The following SLC4A10 variants were observed in gnomAD, a reference collection of about 807,000 sequenced individuals.
The protein encoded by SLC4A10 is sodium-driven chloride bicarbonate exchanger.
In SLC4A10, 42 loss-of-function variants were observed where a neutral mutation model predicts 137.7. The observed-to-expected ratio is 0.30, with a 90% confidence interval of 0.24 to 0.39. SLC4A10 has a LOEUF of 0.39. SLC4A10 is among the 10% of genes least tolerant of loss of function. SLC4A10 has a pLI of 1.00. For synonymous variants in SLC4A10, 474 were observed against 464.1 expected, an observed-to-expected ratio of 1.02 and a Z score of -0.27; for missense variants, 925 against 1,355.0, an observed-to-expected ratio of 0.68 and a Z score of 4.98.
chr2:161,961,082 T>C (rs1696625685), intron 21 of SLC4A10, among the ~76,000 whole-genome samples: 2 of 152,236 alleles, frequency 1.3e-5, no homozygotes, highest in Admixed American at 6.5e-5. Context: ...ATATAGTATT[T>C]TGTCAACTGA....
intron 1 of SLC4A10, among the ~76,000 whole-genome samples, chr2:161,765,514 G>A (rs1035647810): frequency 6.6e-6 from 1 of 151,606 alleles, no homozygotes; most frequent in African/African-American, 2.4e-5. Flanking sequence ...GGCTGAGGCA[G>A]GAGAATTGGT....
At chr2:161,685,362 TTGGGAGGCCGAGG>T (rs2041271851) in intron 1 of SLC4A10, among the ~76,000 whole-genome samples, 1 of 152,066 alleles carries the variant, frequency 6.6e-6, no homozygotes, top group Non-Finnish European at 1.5e-5. Flanking sequence ...TCCCAGCACT[TTGGGAGGCCGAGG>T]TGGGTGGATT....
At chr2:161,668,849 T>C (rs1310898149) in intron 1 of SLC4A10, among the ~76,000 whole-genome samples, 1 of 151,994 alleles carries the variant, frequency 6.6e-6, no homozygotes, top group East Asian at 1.9e-4. Context: ...TACATTTAGT[T>C]TGTGCAGAGA....
Position 161,895,402 on chromosome 2 carries a change from A to G in SLC4A10, c.1341+577A>G, listed in dbSNP as rs934851534. On this transcript the variant is annotated intron_variant, in intron 11 of 26. Transcript: ENST00000446997. ...GTGCATGTGTCTTTATGGCAGCATG[A>G]TTTATAGTCCTTTGGGTATATACCC... Among the ~76,000 whole-genome samples the G allele has an allele frequency of 3.3e-5, 5 of 152,224 alleles. No individual in the cohort carries two copies. The South Asian group carries it at 8.3e-4, about 25-fold the overall frequency.
At chr2:161,836,456 C>T (rs2058771059) in intron 3 of SLC4A10, among the ~76,000 whole-genome samples, 1 of 148,518 alleles carries the variant, frequency 6.7e-6, no homozygotes, top group African/African-American at 2.5e-5. Flanking sequence ...AGAGATCACA[C>T]CACTGCACTC....
chr2:161,862,829 C>G, intron 5 of SLC4A10, 45 bp from the exon 6 acceptor site: 1 of 1,453,664 alleles, frequency 6.9e-7, no homozygotes, highest in Non-Finnish European at 9.2e-7. Flanking sequence ...GGCACACGTT[C>G]TAGAGGAAAG....
intron 18 of SLC4A10, 127 bp downstream of exon 18, chr2:161,949,388 G>A: frequency 1.8e-6 from 1 of 555,202 alleles, no homozygotes; most frequent in Non-Finnish European, 3.2e-6. Flanking sequence ...ACCAGTAAAT[G>A]AAATGCACAC....
At chr2:161,871,157 G>GT (rs750825627) in intron 6 of SLC4A10, among the ~76,000 whole-genome samples, 23 of 151,740 alleles carry the variant, frequency 1.5e-4, no homozygotes, top group Admixed American at 3.3e-4. Flanking sequence ...TTTTTGTGGG[G>GT]TTTTTTTGCA....
At chr2:161,975,943 A>G (rs1699326022) in intron 24 of SLC4A10, among the ~76,000 whole-genome samples, 1 of 152,188 alleles carries the variant, frequency 6.6e-6, no homozygotes, top group Non-Finnish European at 1.5e-5. Context: ...CCTTTAGGCC[A>G]TTATAAGGAC....
At chr2:161,863,105 T>A in intron 6 of SLC4A10, 43 bp downstream of exon 6, 1 of 1,499,452 alleles carries the variant, frequency 6.7e-7, no homozygotes, top group Non-Finnish European at 9.0e-7. Flanking sequence ...ACTATAGGTC[T>A]CTGACATATC....
intron 1 of SLC4A10, among the ~76,000 whole-genome samples, chr2:161,692,251 A>C (rs1348775143): frequency 6.6e-6 from 1 of 152,070 alleles, no homozygotes; most frequent in Non-Finnish European, 1.5e-5. Flanking sequence ...GAGATTAAAA[A>C]TTTTTATGTA....
intron 6 of SLC4A10, among the ~76,000 whole-genome samples, chr2:161,865,143 A>G (rs1440294475): frequency 6.6e-6 from 1 of 152,142 alleles, no homozygotes; most frequent in African/African-American, 2.4e-5. Context: ...GATAATGTTT[A>G]CTATAACAAT....
chr2:161,906,410 A>G (rs1249585986), intron 15 of SLC4A10, among the ~76,000 whole-genome samples: 2 of 152,202 alleles, frequency 1.3e-5, no homozygotes, highest in Non-Finnish European at 2.9e-5. Context: ...TTTGATGGAA[A>G]TACTCAGATA....
chr2:161,737,344 TTCTC>T (rs2047447302), intron 1 of SLC4A10, among the ~76,000 whole-genome samples: 1 of 152,146 alleles, frequency 6.6e-6, no homozygotes, highest in African/African-American at 2.4e-5. Context: ...AAAGAAACGA[TTCTC>T]TATGTCTGGA....
intron 3 of SLC4A10, among the ~76,000 whole-genome samples, chr2:161,825,304 A>G (rs1271289576): frequency 6.6e-6 from 1 of 152,132 alleles, no homozygotes; most frequent in Non-Finnish European, 1.5e-5. Flanking sequence ...CAGATGCTCC[A>G]TCATCTTCCT....
chr2:161,812,791 G>A (rs994900992), intron 3 of SLC4A10, among the ~76,000 whole-genome samples: 3 of 151,994 alleles, frequency 2.0e-5, no homozygotes, highest in Admixed American at 6.6e-5. Flanking sequence ...TTGATTCCAT[G>A]TCTTTGCTAT....
At chr2:161,870,601 G>T (rs952697852) in intron 6 of SLC4A10, among the ~76,000 whole-genome samples, 2 of 151,812 alleles carry the variant, frequency 1.3e-5, no homozygotes, top group African/African-American at 4.8e-5. Flanking sequence ...ACTGGTGATT[G>T]AAGACATCTG....
At chr2:161,964,896 A>C (rs1339254319) in intron 22 of SLC4A10, among the ~76,000 whole-genome samples, 155 bp from the exon 23 acceptor site, 4 of 152,152 alleles carry the variant, frequency 2.6e-5, no homozygotes, top group African/African-American at 9.7e-5. Context: ...TGAAGGAAGC[A>C]GAAGACTAGA....
At chr2:161,953,088 C>A (rs78565750) in intron 19 of SLC4A10, among the ~76,000 whole-genome samples, 2,005 of 152,214 alleles carry the variant, frequency 0.013, 41 homozygotes, top group East Asian at 0.099. Context: ...TTGGTTGGAG[C>A]ATTCCCCGAA....
Sources: allele counts gnomAD v4.1 joint callset (sites outside exome capture counted in the v4.1 genomes callset), GRCh38; gene constraint gnomAD v4.1.1; transcripts MANE v1.5; gene names NCBI Gene and HGNC (gene_info 2026-07-23, HGNC 2026-07-21).